The following WDR70 variants were observed in gnomAD, a reference collection of about 807,000 sequenced individuals.
The protein encoded by WDR70 is WD repeat-containing protein 70.
Under a neutral mutation model 88.6 loss-of-function variants are expected in WDR70, and 53 were observed. That is an observed-to-expected ratio of 0.60 (90% CI 0.48 to 0.75). WDR70 has a LOEUF of 0.75. Ranked by LOEUF, WDR70 falls within the 30% of genes least tolerant of loss-of-function variation. WDR70 has a pLI of 0.00. For synonymous variants in WDR70, 280 were observed against 270.0 expected (o/e 1.04, Z -0.36); for missense variants, 610 against 823.2 (o/e 0.74, Z 3.17).
At chr5:37,743,260 G>A (rs536478260) in intron 17 of WDR70, among the ~76,000 whole-genome samples, 5 of 152,340 alleles carry the variant, frequency 3.3e-5, no homozygotes, top group African/African-American at 9.6e-5. Context: ...TCCAGCTGGG[G>A]AAACTGCTTT....
intron 6 of WDR70, among the ~76,000 whole-genome samples, chr5:37,442,280 G>A (rs1435595730): frequency 4.6e-5 from 7 of 150,722 alleles, no homozygotes; most frequent in East Asian, 2.0e-4. Flanking sequence ...CAGGTGATCC[G>A]CCCGCCTTAG....
chr5:37,685,853 G>T lies in WDR70; in HGVS notation c.1093-11802G>T, dbSNP rs906220404. ...TTCACCTGCTCCCCAGGAGTCACTGGGGGCCAGAAATGAGTCCAGTGTGCT... is the reference window on the plus strand; with the variant it reads ...TTCACCTGCTCCCCAGGAGTCACTGTGGGCCAGAAATGAGTCCAGTGTGCT... On this transcript the variant is annotated intron_variant, in intron 10 of 17. Coordinates refer to ENST00000265107, the MANE Select transcript of WDR70 (RefSeq NM_018034.4). Among the ~76,000 whole-genome samples, 3 of 152,114 alleles carry T rather than the reference G, an allele frequency of 2.0e-5. No individual in the cohort carries two copies. In the South Asian group the frequency reaches 6.2e-4, roughly 32 times the overall value.
chr5:37,640,662 G>A (rs1307441971), intron 10 of WDR70, among the ~76,000 whole-genome samples: 1 of 152,088 alleles, frequency 6.6e-6, no homozygotes, highest in Non-Finnish European at 1.5e-5. Flanking sequence ...CTTAACTTCA[G>A]TAAATTTTAA....
intron 7 of WDR70, among the ~76,000 whole-genome samples, chr5:37,460,576 A>G (rs1419173885): frequency 1.6e-5 from 1 of 62,674 alleles, no homozygotes; most frequent in African/African-American, 4.0e-5. Flanking sequence ...GCATTGGGAG[A>G]CATACCTAAT....
intron 10 of WDR70, among the ~76,000 whole-genome samples, chr5:37,636,951 A>T (rs926210964): frequency 2.6e-5 from 4 of 152,144 alleles, no homozygotes; most frequent in Non-Finnish European, 4.4e-5. Context: ...TTTGATAATT[A>T]TATAATCTTG....
At chr5:37,637,977 C>T (rs1745016962) in intron 10 of WDR70, among the ~76,000 whole-genome samples, 1 of 152,112 alleles carries the variant, frequency 6.6e-6, no homozygotes, top group African/African-American at 2.4e-5. Context: ...GGTGTCACAT[C>T]CAGCATTCTG....
At chr5:37,479,813 T>G (rs1418744002) in intron 7 of WDR70, 21 bp from the exon 8 acceptor site, 13 of 1,599,088 alleles carry the variant, frequency 8.1e-6, no homozygotes, top group Non-Finnish European at 1.0e-5. Context: ...TCTTACCAAC[T>G]TTCCTTTTCT....
intron 12 of WDR70, among the ~76,000 whole-genome samples, 199 bp downstream of exon 12, chr5:37,701,341 TA>T (rs1188001723): frequency 2.0e-5 from 3 of 152,218 alleles, no homozygotes; most frequent in Non-Finnish European, 4.4e-5. Context: ...TTTTTGAAGT[TA>T]AAATTATGTA....
intron 5 of WDR70, among the ~76,000 whole-genome samples, chr5:37,437,634 A>AAAATTTC (rs1386364800): frequency 6.6e-6 from 1 of 152,152 alleles, no homozygotes; most frequent in Non-Finnish European, 1.5e-5. Context: ...GGATTAAATT[A>AAAATTTC]AAATTTCAAT....
At chr5:37,425,316 A>C (rs1750088180) in intron 5 of WDR70, among the ~76,000 whole-genome samples, 1 of 152,244 alleles carries the variant, frequency 6.6e-6, no homozygotes, top group African/African-American at 2.4e-5. Context: ...GAAAGGGAAC[A>C]TGTAGAGCAC....
At chr5:37,544,472 G>A (rs1312841489) in intron 9 of WDR70, among the ~76,000 whole-genome samples, 3 of 152,116 alleles carry the variant, frequency 2.0e-5, no homozygotes, top group Non-Finnish European at 2.9e-5. Context: ...TTGATGATAG[G>A]CTTCAGTAAA....
intron 5 of WDR70, among the ~76,000 whole-genome samples, chr5:37,421,318 G>C (rs948527133): frequency 6.6e-6 from 1 of 152,142 alleles, no homozygotes; most frequent in Non-Finnish European, 1.5e-5. Flanking sequence ...AACAGTCTTT[G>C]GTTCTGACTG....
intron 13 of WDR70, among the ~76,000 whole-genome samples, chr5:37,706,186 C>T (rs1438700833): frequency 6.6e-6 from 1 of 152,160 alleles, no homozygotes; most frequent in Non-Finnish European, 1.5e-5. Context: ...TTGTCATATT[C>T]TTTGAAAAAT....
At chr5:37,596,875 C>T (rs920986837) in intron 9 of WDR70, among the ~76,000 whole-genome samples, 4 of 152,140 alleles carry the variant, frequency 2.6e-5, no homozygotes, top group African/African-American at 9.7e-5. Context: ...CCTCCATCCC[C>T]ACCTTTAACC....
chr5:37,670,667 A>T (rs777144890), intron 10 of WDR70, among the ~76,000 whole-genome samples: 5 of 152,354 alleles, frequency 3.3e-5, no homozygotes, highest in Non-Finnish European at 5.9e-5. Flanking sequence ...GACTACTTGT[A>T]AGTGGAAGAG....
At chr5:37,563,565 C>CCA (rs2112384320) in intron 9 of WDR70, among the ~76,000 whole-genome samples, 1 of 76,646 alleles carries the variant, frequency 1.3e-5, no homozygotes, top group African/African-American at 3.4e-5. Flanking sequence ...GCTGACCCCC[C>CCA]CCCACCTCCC....
chr5:37,384,898 A>G (rs13171636), intron 3 of WDR70, among the ~76,000 whole-genome samples: 26,266 of 151,972 alleles, frequency 0.17, 2,667 homozygotes, highest in East Asian at 0.3. Flanking sequence ...GGAGACTACC[A>G]CAAGACTGCC....
At chr5:37,583,763 G>A (rs1436588305) in intron 9 of WDR70, among the ~76,000 whole-genome samples, 2 of 152,154 alleles carry the variant, frequency 1.3e-5, no homozygotes, top group African/African-American at 4.8e-5. Context: ...TTTTGTTAAA[G>A]AGAAAGGACT....
chr5:37,382,361 G>C (rs948706804), intron 3 of WDR70, among the ~76,000 whole-genome samples: 4 of 151,610 alleles, frequency 2.6e-5, no homozygotes, highest in Admixed American at 6.6e-5. Context: ...GCCTCCCAAA[G>C]TGCTGGGATT....
Sources: allele counts gnomAD v4.1 joint callset (sites outside exome capture counted in the v4.1 genomes callset), GRCh38; gene constraint gnomAD v4.1.1; transcripts MANE v1.5; gene names NCBI Gene and HGNC (gene_info 2026-07-23, HGNC 2026-07-21).